NRXN3: variants seen among roughly 807,000 people sequenced by gnomAD.
NRXN3 encodes neurexin 3, also known as neurexin III.
Under a neutral mutation model 137.6 loss-of-function variants are expected in NRXN3, and 32 were observed. The observed-to-expected ratio is 0.23, with a 90% CI of 0.18 to 0.31. The LOEUF (loss-of-function observed/expected upper bound fraction) is 0.31, where lower values mean the gene tolerates loss of function less well. NRXN3 is among the 10% of genes least tolerant of loss of function. The pLI is 1.00. For synonymous variants in NRXN3, 798 were observed against 784.5 expected (o/e 1.02, Z -0.29); for missense variants, 1,574 against 2,062.5 (o/e 0.76, Z 4.59).
chr14:78,456,383 AT>A (rs1331660899), intron 4 of NRXN3, among the ~76,000 whole-genome samples: 2 of 152,196 alleles, frequency 1.3e-5, no homozygotes, highest in East Asian at 3.8e-4. Flanking sequence ...GTTTTCTCAT[AT>A]GTTAAATGGA....
intron 17 of NRXN3, among the ~76,000 whole-genome samples, chr14:79,689,278 G>A (rs755198091): frequency 1.3e-5 from 2 of 152,108 alleles, no homozygotes; most frequent in Non-Finnish European, 2.9e-5. Context: ...GGTTTGTTCA[G>A]CTTTTAGAGT....
intron 3 of NRXN3, among the ~76,000 whole-genome samples, chr14:78,294,080 G>T (rs2076066706): frequency 6.6e-6 from 1 of 152,128 alleles, no homozygotes; most frequent in African/African-American, 2.4e-5. Flanking sequence ...CCTCTTTATA[G>T]TCCCTACTGG....
intron 4 of NRXN3, among the ~76,000 whole-genome samples, chr14:78,335,282 T>C (rs564352490): frequency 6.6e-6 from 1 of 152,364 alleles, no homozygotes; most frequent in African/African-American, 2.4e-5. Flanking sequence ...TTCTCTCCCT[T>C]TTAAGACTTT....
At chr14:79,254,590 G>A (rs111901636) in intron 15 of NRXN3, among the ~76,000 whole-genome samples, 149 of 152,244 alleles carry the variant, frequency 9.8e-4, no homozygotes, top group Middle Eastern at 3.4e-3. Flanking sequence ...ACGAACATGC[G>A]GGCAGGCCAA....
At chr14:78,739,313 A>T (rs1250077603) in intron 8 of NRXN3, among the ~76,000 whole-genome samples, 1 of 152,218 alleles carries the variant, frequency 6.6e-6, no homozygotes, top group Non-Finnish European at 1.5e-5. Context: ...CACACATAGC[A>T]TGTTGGCTGC....
chr14:78,537,280 C>T (rs187767184), intron 4 of NRXN3, among the ~76,000 whole-genome samples: 3,992 of 152,288 alleles, frequency 0.026, 83 homozygotes, highest in Non-Finnish European at 0.037. Flanking sequence ...TGTTTCCTGA[C>T]TTTTTAATGA....
In NRXN3 at chr14:78,714,823, G is replaced by A. The variant is rs746347609; in HGVS notation, c.1728G>A (p.Leu576=). The A allele has an allele frequency of 2.5e-6, 4 of 1,614,182 alleles. No individual in the cohort carries two copies. The highest frequency in any genetic ancestry group is 1.3e-5 in the African/African-American group (1 of 75,056). The change falls in exon 8 of 21, where the codon CTG becomes CTA. Residue 576 remains leucine, a synonymous_variant. Transcript: ENST00000335750. ...TASGESEILD[L]EGDMYLGGLP... The stretch of plus-strand genomic sequence containing the variant: ...GTGGGGAGAGCGAGATCCTGGACCT[G>A]GAAGGAGACATGTACCTGGGAGGGC...
At chr14:79,593,869 G>A (rs939879078) in intron 16 of NRXN3, among the ~76,000 whole-genome samples, 1 of 152,116 alleles carries the variant, frequency 6.6e-6, no homozygotes, top group Non-Finnish European at 1.5e-5. Context: ...AGCTCCACAG[G>A]TGATTGGGAT....
intron 15 of NRXN3, among the ~76,000 whole-genome samples, chr14:79,428,868 G>A (rs2095699150): frequency 6.6e-6 from 1 of 152,152 alleles, no homozygotes; most frequent in African/African-American, 2.4e-5. Context: ...GCAAGGATGG[G>A]GGAATAGGAG....
chr14:79,665,476 C>T lies in NRXN3; in HGVS notation c.3616+1527C>T, dbSNP rs113179338. 3.4e-3 allele frequency among the ~76,000 whole-genome samples: 524 copies of T among 152,236 alleles called. 5 individuals carry two copies. Among genetic ancestry groups the T allele is most frequent in the African/African-American group, 0.012 (505 of 41,570 alleles). ...AATAGACTTAATTTTTAAATGCTTC[C>T]TGCTTAATCCCTGATGGATGGGGGA... On this transcript the variant is annotated intron_variant, in intron 17 of 20. Coordinates refer to ENST00000335750, the MANE Select transcript of NRXN3 (RefSeq NM_001330195.2).
chr14:78,249,054 C>G (rs1056238180), intron 2 of NRXN3, among the ~76,000 whole-genome samples: 2 of 152,222 alleles, frequency 1.3e-5, no homozygotes, highest in Admixed American at 1.3e-4. Flanking sequence ...CTGCCACTTG[C>G]TTCAATTATC....
chr14:79,390,881 A>C (rs140094533), intron 15 of NRXN3, among the ~76,000 whole-genome samples: 1 of 152,280 alleles, frequency 6.6e-6, no homozygotes, highest in Non-Finnish European at 1.5e-5. Context: ...TCATGATTGA[A>C]TTAATGTCAT....
At chr14:78,273,472 A>G (rs1365689639) in intron 2 of NRXN3, among the ~76,000 whole-genome samples, 1 of 152,142 alleles carries the variant, frequency 6.6e-6, no homozygotes, top group African/African-American at 2.4e-5. Context: ...CTCTTGTCAC[A>G]CAGAAGGAAG....
chr14:78,193,333 C>T (rs1163474545), intron 1 of NRXN3, among the ~76,000 whole-genome samples: 4 of 152,166 alleles, frequency 2.6e-5, no homozygotes, highest in Admixed American at 1.3e-4. Context: ...GGCTTGGCAT[C>T]CAGATGCGAT....
At chr14:78,782,651 A>G (rs1191293177) in intron 8 of NRXN3, among the ~76,000 whole-genome samples, 5 of 152,206 alleles carry the variant, frequency 3.3e-5, no homozygotes, top group African/African-American at 1.2e-4. Context: ...TTGTATCCCC[A>G]GTGCCTGAAT....
chr14:79,635,939 G>C (rs1488225209), intron 16 of NRXN3, among the ~76,000 whole-genome samples: 2 of 152,038 alleles, frequency 1.3e-5, no homozygotes, highest in African/African-American at 2.4e-5. Context: ...ACTATCATGA[G>C]AACAGCATGG....
At chr14:79,185,490 G>T (rs910552003) in intron 15 of NRXN3, among the ~76,000 whole-genome samples, 3 of 144,858 alleles carry the variant, frequency 2.1e-5, no homozygotes, top group Non-Finnish European at 3.0e-5. Flanking sequence ...TTTTTAGATG[G>T]AGTCTTGCAC....
chr14:79,762,467 C>CT (rs58650846), intron 19 of NRXN3, among the ~76,000 whole-genome samples: 27 of 148,178 alleles, frequency 1.8e-4, no homozygotes, highest in East Asian at 1.2e-3. Context: ...CCTGGCTTCA[C>CT]TTTTTTTTTT....
intron 8 of NRXN3, among the ~76,000 whole-genome samples, chr14:78,726,491 A>G (rs1489861128): frequency 6.8e-6 from 1 of 147,576 alleles, no homozygotes; most frequent in African/African-American, 2.5e-5. Context: ...TAAAATACAC[A>G]TAACATAACA....
Sources: allele counts gnomAD v4.1 joint callset (sites outside exome capture counted in the v4.1 genomes callset), GRCh38; gene constraint gnomAD v4.1.1; transcripts MANE v1.5; gene names NCBI Gene and HGNC (gene_info 2026-07-23, HGNC 2026-07-21).